The following ADGRL2 variants were observed in gnomAD, a reference collection of about 807,000 sequenced individuals.
ADGRL2 encodes adhesion G protein-coupled receptor L2, also known as calcium-independent alpha-latrotoxin receptor 2.
In ADGRL2, 44 loss-of-function variants were observed where a neutral mutation model predicts 157.4. The observed-to-expected ratio is 0.28, with a 90% CI of 0.22 to 0.36. The LOEUF (loss-of-function observed/expected upper bound fraction) is 0.36. Among genes scored for constraint, ADGRL2 ranks in the 10% least tolerant of loss-of-function variants. The pLI, the probability that ADGRL2 is intolerant of heterozygous loss-of-function variation, is 1.00. For missense variants in ADGRL2, 1,510 were observed against 1,768.9 expected, an observed-to-expected ratio of 0.85 and a Z score of 2.63; for synonymous variants, 585 against 624.7, an observed-to-expected ratio of 0.94 and a Z score of 0.95.
intron 3 of ADGRL2, among the ~76,000 whole-genome samples, chr1:81,638,526 A>G (rs1026043802): frequency 4.6e-5 from 7 of 152,192 alleles, no homozygotes; most frequent in Admixed American, 4.6e-4. Flanking sequence ...AATAAAAGCA[A>G]TGAGAGGGAG....
At chr1:81,918,437 A>G (rs1474614751) in intron 3 of ADGRL2, among the ~76,000 whole-genome samples, 1 of 152,152 alleles carries the variant, frequency 6.6e-6, no homozygotes, top group East Asian at 1.9e-4. Context: ...TAGATAGCTA[A>G]TCCAAAGAGA....
At chr1:81,746,991 CGTAT>C (rs2085286206) in intron 1 of ADGRL2, among the ~76,000 whole-genome samples, 5 of 144,882 alleles carry the variant, frequency 3.5e-5, no homozygotes. Context: ...TGTGTATATA[CGTAT>C]ATACGTGTAT....
At chr1:81,365,418 A>G (rs2076048204) in intron 1 of ADGRL2, among the ~76,000 whole-genome samples, 2 of 152,194 alleles carry the variant, frequency 1.3e-5, no homozygotes, top group African/African-American at 2.4e-5. Context: ...AAAGTATAAT[A>G]CACATCCCAC....
intron 3 of ADGRL2, among the ~76,000 whole-genome samples, chr1:81,920,227 C>T (rs1479426112): frequency 6.6e-6 from 1 of 152,048 alleles, no homozygotes; most frequent in East Asian, 1.9e-4. Flanking sequence ...ATAGGAAACC[C>T]ATTGAATATC....
chr1:81,799,151 T>C (rs561591893), upstream of ADGRL2, among the ~76,000 whole-genome samples: 1 of 152,314 alleles, frequency 6.6e-6, no homozygotes, highest in Admixed American at 6.5e-5. Context: ...GGTAGATCTG[T>C]TGTATGTATG....
chr1:81,377,990 A>T lies in ADGRL2; in HGVS notation c.-301-67046A>T, dbSNP rs374120778. Among the ~76,000 whole-genome samples the T allele has an allele frequency of 3.2e-4, 48 of 152,220 alleles. 1 individual carries two copies. In the South Asian group the frequency reaches 9.5e-3, roughly 30 times the overall value. ...GGTCAAGAGATCGAGATCATCCTGG[A>T]CAACATGGTGAAACACTCTCTCTAC... On this transcript the variant is annotated intron_variant, in intron 1 of 24. Coordinates refer to the ADGRL2 transcript ENST00000370721.
intron 2 of ADGRL2, chr1:81,502,935 A>C: frequency 6.2e-7 from 1 of 1,612,344 alleles, no homozygotes. Context: ...TATCCCCAGC[A>C]ACCACTCTCA....
chr1:81,633,991 CTG>C (rs1168036074), intron 3 of ADGRL2, among the ~76,000 whole-genome samples: 1 of 152,082 alleles, frequency 6.6e-6, no homozygotes, highest in Non-Finnish European at 1.5e-5. Flanking sequence ...AGCCATAAGA[CTG>C]TATGAGATAA....
intron 1 of ADGRL2, among the ~76,000 whole-genome samples, chr1:81,718,656 C>T (rs577195105): frequency 1.9e-4 from 29 of 152,274 alleles, no homozygotes; most frequent in African/African-American, 6.7e-4. Flanking sequence ...ACATAAAAAT[C>T]CTGCTGGAGA....
At chr1:81,840,648 G>A (rs897514941) in intron 2 of ADGRL2, among the ~76,000 whole-genome samples, 3 of 151,960 alleles carry the variant, frequency 2.0e-5, no homozygotes, top group African/African-American at 4.8e-5. Flanking sequence ...ACCTGTTTGT[G>A]TAAGAATCAA....
chr1:81,389,776 G>T (rs1327518077), intron 1 of ADGRL2, among the ~76,000 whole-genome samples: 1 of 152,132 alleles, frequency 6.6e-6, no homozygotes, highest in Non-Finnish European at 1.5e-5. Flanking sequence ...AGTGGTCAGA[G>T]AGATGAGCAA....
intron 3 of ADGRL2, among the ~76,000 whole-genome samples, chr1:81,618,105 T>C (rs1456007482): frequency 6.6e-6 from 1 of 152,194 alleles, no homozygotes; most frequent in Non-Finnish European, 1.5e-5. Flanking sequence ...GTCTTTGTCT[T>C]TGCAGCCTCG....
chr1:81,433,355 G>A (rs185966876), intron 1 of ADGRL2, among the ~76,000 whole-genome samples: 73 of 152,236 alleles, frequency 4.8e-4, no homozygotes, highest in Middle Eastern at 6.8e-3. Flanking sequence ...TCCACAAAAG[G>A]TCATAGACAA....
At chr1:81,528,419 A>G (rs1364540146) in intron 2 of ADGRL2, among the ~76,000 whole-genome samples, 1 of 151,664 alleles carries the variant, frequency 6.6e-6, no homozygotes, top group Non-Finnish European at 1.5e-5. Flanking sequence ...GGCCGAGGCG[A>G]GTGGATTCAG....
chr1:81,875,229 G>T (rs1386118864), intron 2 of ADGRL2, among the ~76,000 whole-genome samples: 2 of 152,132 alleles, frequency 1.3e-5, no homozygotes, highest in Admixed American at 1.3e-4. Context: ...GCAAATCAGA[G>T]TTGCATTAAA....
chr1:81,581,564 C>T (rs1048352386), intron 3 of ADGRL2, among the ~76,000 whole-genome samples: 3 of 152,068 alleles, frequency 2.0e-5, no homozygotes, highest in Non-Finnish European at 4.4e-5. Context: ...TAAAGAATAA[C>T]GTTTATAATT....
At chr1:81,888,942 T>A (rs2094196088) in intron 2 of ADGRL2, among the ~76,000 whole-genome samples, 1 of 152,292 alleles carries the variant, frequency 6.6e-6, no homozygotes, top group East Asian at 1.9e-4. Flanking sequence ...TTATTATAAC[T>A]ATTTGATGTG....
intron 1 of ADGRL2, among the ~76,000 whole-genome samples, chr1:81,757,612 C>T (rs969511928): frequency 5.9e-5 from 9 of 152,178 alleles, no homozygotes; most frequent in African/African-American, 2.2e-4. Flanking sequence ...AATCTTCTTC[C>T]ATCACGTGGC....
intron 3 of ADGRL2, among the ~76,000 whole-genome samples, chr1:81,643,408 G>A (rs2148812309): frequency 6.6e-6 from 1 of 152,230 alleles, no homozygotes; most frequent in South Asian, 2.1e-4. Flanking sequence ...GAACTCCTGG[G>A]CTCAAGCAAT....
Sources: gnomAD v4.1 joint callset for allele counts (sites outside exome capture counted in the v4.1 genomes callset) on GRCh38, gnomAD v4.1.1 for gene constraint, MANE v1.5 for transcripts, NCBI Gene and HGNC (gene_info 2026-07-23, HGNC 2026-07-21) for gene names.